ABI3BP: variants seen among roughly 807,000 people sequenced by gnomAD.
The protein encoded by ABI3BP is target of Nesh-SH3.
A neutral mutation model predicts 268.6 loss-of-function variants in ABI3BP; 216 were observed. That is an observed-to-expected ratio of 0.80 (90% CI 0.72 to 0.90). ABI3BP has a LOEUF of 0.90. Among genes scored for constraint, ABI3BP ranks in the 40% least tolerant of loss-of-function variants. The probability of loss-of-function intolerance (pLI) is 0.00; values close to 1 mark genes in which losing one functional copy is unlikely to be tolerated. For synonymous variants in ABI3BP, 730 were observed against 730.0 expected (o/e 1.00, Z 0.00); for missense variants, 2,090 against 2,182.4 (o/e 0.96, Z 0.84).
chr3:100,823,349 A>C (rs2098281563), intron 37 of ABI3BP, 109 bp downstream of exon 37: 2 of 895,492 alleles, frequency 2.2e-6, no homozygotes, highest in Non-Finnish European at 3.3e-6. Flanking sequence ...AATTTCAAGA[A>C]GAGTTGAATG....
At chr3:100,827,564 C>G (rs2098411235) in intron 34 of ABI3BP, among the ~76,000 whole-genome samples, 1 of 152,088 alleles carries the variant, frequency 6.6e-6, no homozygotes, top group Non-Finnish European at 1.5e-5. Context: ...TTCTGCACAT[C>G]ATAGACTTAA....
chr3:100,784,732 C>A (rs905787983), intron 57 of ABI3BP, among the ~76,000 whole-genome samples: 7 of 152,010 alleles, frequency 4.6e-5, no homozygotes, highest in Non-Finnish European at 7.4e-5. Flanking sequence ...TCTTTTGCAG[C>A]AATTTGGATG....
chr3:100,794,913 C>G lies in ABI3BP; in HGVS notation c.3946+10G>C. On this transcript the variant is annotated intron_variant, in intron 54 of 67. Coordinates refer to ENST00000471714, the MANE Select transcript of ABI3BP (RefSeq NM_001375547.2). ...AGCTCTCTTTGAACAAATATTAAAA[C>G]GAAATTTACCCAGAGTGGTCTGTAG... The G allele has an allele frequency of 1.3e-6, 2 of 1,552,234 alleles. No homozygotes were observed. Among genetic ancestry groups the G allele is most frequent in the Non-Finnish European group, 8.7e-7 (1 of 1,145,140 alleles).
chr3:100,875,004 A>C, intron 8 of ABI3BP, 71 bp from the exon 9 acceptor site: 1 of 847,438 alleles, frequency 1.2e-6, no homozygotes, highest in Non-Finnish European at 1.9e-6. Context: ...AGCTCAGCAC[A>C]TCAGATATTA....
intron 41 of ABI3BP, 87 bp from the exon 42 acceptor site, chr3:100,817,582 T>C: frequency 9.4e-7 from 1 of 1,060,180 alleles, no homozygotes; most frequent in Non-Finnish European, 1.3e-6. Context: ...AACTTAAAAG[T>C]AAGGCTTGTT....
At chr3:100,986,770 T>C (rs2091882469) in intron 1 of ABI3BP, among the ~76,000 whole-genome samples, 1 of 152,208 alleles carries the variant, frequency 6.6e-6, no homozygotes. Context: ...ACTTAATTTC[T>C]TATCTGTGAA....
At chr3:100,796,599 G>C (rs2097352844) in intron 51 of ABI3BP, 131 bp from the exon 52 acceptor site, 3 of 572,758 alleles carry the variant, frequency 5.2e-6, no homozygotes, top group Non-Finnish European at 8.6e-6. Context: ...AATGACCAAA[G>C]TTGAGAAGAT....
At chr3:100,828,549 C>T in intron 33 of ABI3BP, 97 bp from the exon 34 acceptor site, 1 of 1,081,678 alleles carries the variant, frequency 9.2e-7, no homozygotes, top group South Asian at 1.5e-5. Flanking sequence ...CATGACATAT[C>T]TGTCCAGAGC....
intron 2 of ABI3BP, chr3:100,912,039 T>C (rs2056721778): frequency 1.3e-6 from 1 of 748,248 alleles, no homozygotes; most frequent in Admixed American, 1.9e-5. Flanking sequence ...CATCATCCAT[T>C]TGGGAATCAG....
At chr3:100,847,960 C>T (rs2098792374) in intron 18 of ABI3BP, among the ~76,000 whole-genome samples, 1 of 152,094 alleles carries the variant, frequency 6.6e-6, no homozygotes, top group Non-Finnish European at 1.5e-5. Context: ...GCATCTGTAC[C>T]ACCCAAACTC....
intron 57 of ABI3BP, among the ~76,000 whole-genome samples, chr3:100,784,876 C>A (rs1326671506): frequency 6.6e-6 from 1 of 151,664 alleles, no homozygotes; most frequent in Non-Finnish European, 1.5e-5. Context: ...CTTTAGAGAC[C>A]CAGAAGGGGG....
At chr3:100,760,164 G>A (rs1231438639) in intron 63 of ABI3BP, among the ~76,000 whole-genome samples, 1 of 152,186 alleles carries the variant, frequency 6.6e-6, no homozygotes, top group Non-Finnish European at 1.5e-5. Context: ...ATCCTCCCAA[G>A]CCAGAGAGGT....
intron 1 of ABI3BP, among the ~76,000 whole-genome samples, chr3:100,947,774 A>G (rs758540893): frequency 1.3e-5 from 2 of 152,166 alleles, no homozygotes; most frequent in Non-Finnish European, 2.9e-5. Flanking sequence ...AAAAACTATG[A>G]AGCTGAGAAA....
At chr3:100,864,524 C>G in intron 11 of ABI3BP, 3 of 331,528 alleles carry the variant, frequency 9.0e-6, no homozygotes, top group Non-Finnish European at 1.6e-5. Flanking sequence ...CATTCTCCCC[C>G]AAGATTTGGG....
At chr3:100,768,788 G>T (rs1009003770) in intron 62 of ABI3BP, among the ~76,000 whole-genome samples, 3 of 152,164 alleles carry the variant, frequency 2.0e-5, no homozygotes, top group Non-Finnish European at 4.4e-5. Context: ...GCTGGTCTGG[G>T]ATTTAAATCT....
intron 1 of ABI3BP, among the ~76,000 whole-genome samples, chr3:100,961,919 G>A (rs974001623): frequency 6.6e-6 from 1 of 151,938 alleles, no homozygotes; most frequent in South Asian, 2.1e-4. Flanking sequence ...ACCTCCAAAC[G>A]CTTAGCTTAC....
intron 32 of ABI3BP, among the ~76,000 whole-genome samples, chr3:100,830,161 AT>A (rs1393490784): frequency 1.4e-4 from 14 of 100,010 alleles, no homozygotes; most frequent in Non-Finnish European, 2.5e-4. Flanking sequence ...ATATATATAT[AT>A]ATAAAATGCA....
intron 4 of ABI3BP, 51 bp from the exon 5 acceptor site, chr3:100,886,374 T>G (rs1211363319): frequency 7.8e-7 from 1 of 1,281,756 alleles, no homozygotes; most frequent in East Asian, 2.9e-5. Flanking sequence ...GGATTCAGAA[T>G]GTTATTTCAA....
Position 100,770,725 on chromosome 3 carries a change from C to A in ABI3BP, c.4741+18G>T. 1 of 1,455,158 alleles carries A rather than the reference C, an allele frequency of 6.9e-7. No homozygotes were observed. Among genetic ancestry groups the A allele is most frequent in the Non-Finnish European group, 9.1e-7 (1 of 1,099,660 alleles). 90.1% of individuals were successfully genotyped at this position (1,455,158 alleles called of 1,614,324 possible). A position where few individuals can be genotyped will look rare whatever the true frequency, so the allele number is the denominator to read the frequency against. ...ATCAAAGCTTCCCACCATAACAGTC[C>A]TCATGCCATGATCTTACCAGTGACA... On this transcript the variant is annotated intron_variant, in intron 62 of 67. Coordinates refer to ENST00000471714, the MANE Select transcript of ABI3BP (RefSeq NM_001375547.2).
Sources: gnomAD v4.1 joint callset for allele counts (sites outside exome capture counted in the v4.1 genomes callset) on GRCh38, gnomAD v4.1.1 for gene constraint, MANE v1.5 for transcripts, NCBI Gene and HGNC (gene_info 2026-07-23, HGNC 2026-07-21) for gene names.